ERBIN: variants seen among roughly 807,000 people sequenced by gnomAD.
The protein encoded by ERBIN is erbb2 interacting protein, also known as densin-180-like protein.
Under a neutral mutation model 158.4 loss-of-function variants are expected in ERBIN, and 60 were observed. That is an observed-to-expected ratio of 0.38 (90% confidence interval 0.31 to 0.47). ERBIN has a LOEUF of 0.47. Among genes scored for constraint, ERBIN ranks in the 20% least tolerant of loss-of-function variants. The pLI, the probability that ERBIN is intolerant of heterozygous loss-of-function variation, is 0.99. For synonymous variants in ERBIN, 594 were observed against 557.2 expected, an observed-to-expected ratio of 1.07 and a Z score of -0.93; for missense variants, 1,610 against 1,648.0, an observed-to-expected ratio of 0.98 and a Z score of 0.40.
intron 21 of ERBIN, among the ~76,000 whole-genome samples, chr5:66,058,543 G>C (rs1759887108): frequency 2.0e-5 from 3 of 151,114 alleles, no homozygotes; most frequent in Admixed American, 2.0e-4. Flanking sequence ...AGTTTAATTA[G>C]ATCCCATTTG....
intron 19 of ERBIN, among the ~76,000 whole-genome samples, chr5:66,049,509 A>G (rs1451694788): frequency 1.3e-5 from 2 of 152,090 alleles, no homozygotes; most frequent in Non-Finnish European, 2.9e-5. Context: ...GTTATTATCT[A>G]ATTGTCACAA....
chr5:65,959,168 G>C (rs1747639091), intron 1 of ERBIN, among the ~76,000 whole-genome samples: 1 of 151,970 alleles, frequency 6.6e-6, no homozygotes, highest in African/African-American at 2.4e-5. Flanking sequence ...TATAATGCTA[G>C]CTAACACGTG....
intron 1 of ERBIN, among the ~76,000 whole-genome samples, chr5:65,975,303 C>A (rs1451543973): frequency 6.6e-6 from 1 of 152,012 alleles, no homozygotes; most frequent in African/African-American, 2.4e-5. Context: ...CCACCACATC[C>A]AGCCATATTT....
Position 66,053,907 on chromosome 5 carries a change from A to G in ERBIN, c.2589A>G (p.Pro863=). The G allele has an allele frequency of 6.2e-7, 1 of 1,614,168 alleles. No homozygotes were observed. Among genetic ancestry groups the G allele is most frequent in the African/African-American group, 1.3e-5 (1 of 75,058 alleles). ...ATCTCTCCCCTCAGAAAAGTGGTCC[A>G]GTTGGATCTGTTGTGAAATCTCATA... The part of the protein sequence containing the change: ...TEDLSPQKSG[P]VGSVVKSHSI... The change falls in exon 21 of 26, where the codon CCA becomes CCG. Residue 863 remains proline (P), a synonymous_variant. Transcript: ENST00000284037.
chr5:66,032,944 G>A (rs771324410), intron 14 of ERBIN, among the ~76,000 whole-genome samples: 22 of 152,174 alleles, frequency 1.4e-4, no homozygotes, highest in Admixed American at 1.3e-3. Flanking sequence ...AAAGAAATAT[G>A]TTTATGGGAA....
At chr5:66,008,833 G>C (rs147220527) in intron 4 of ERBIN, among the ~76,000 whole-genome samples, 1 of 152,120 alleles carries the variant, frequency 6.6e-6, no homozygotes, top group African/African-American at 2.4e-5. Context: ...TTCTTAAAAA[G>C]TATTAAGAAT....
intron 1 of ERBIN, among the ~76,000 whole-genome samples, chr5:65,958,181 G>A (rs1178532812): frequency 1.3e-5 from 2 of 151,982 alleles, no homozygotes; most frequent in South Asian, 2.1e-4. Context: ...GACGATGGGC[G>A]GCCAGGCAGA....
chr5:65,976,715 A>C (rs1749917422), intron 1 of ERBIN, among the ~76,000 whole-genome samples: 2 of 150,296 alleles, frequency 1.3e-5, no homozygotes, highest in South Asian at 4.2e-4. Context: ...AGTGGTGATG[A>C]CTCTTACGGA....
At chr5:65,973,183 CAT>C (rs1749456341) in intron 1 of ERBIN, among the ~76,000 whole-genome samples, 1 of 149,868 alleles carries the variant, frequency 6.7e-6, no homozygotes, top group East Asian at 1.9e-4. Context: ...CACCACATGT[CAT>C]AGGTGGGAAT....
chr5:65,994,393 CTCT>C (rs1172133208), intron 3 of ERBIN, among the ~76,000 whole-genome samples: 4 of 152,112 alleles, frequency 2.6e-5, no homozygotes, highest in African/African-American at 9.7e-5. Context: ...TAGAAGAATA[CTCT>C]TCTTAAATAG....
Position 66,054,245 on chromosome 5 carries a change from A to G in ERBIN, c.2927A>G (p.Gln976Arg), listed in dbSNP as rs1363625092. 6.2e-7 allele frequency: 1 copy of G among 1,614,154 alleles called. No individual in the cohort carries two copies. Among genetic ancestry groups the G allele is most frequent in the Non-Finnish European group, 8.5e-7 (1 of 1,179,978 alleles). ...GCACCTCAAATATATGGTCCTCCAC[A>G]GTATAATATCCAATACAGTAGCAGT... ...QSAPQIYGPP[Q>R]YNIQYSSSAA... Residue 976 changes from glutamine to arginine, a missense_variant, in exon 21 of 26, where the codon CAG becomes CGG. Physicochemically the swap from Gln to Arg is conservative, Grantham distance 43. Transcript: ENST00000284037.
chr5:65,974,376 G>T (rs574559513), intron 1 of ERBIN, among the ~76,000 whole-genome samples: 2 of 152,332 alleles, frequency 1.3e-5, no homozygotes, highest in South Asian at 2.1e-4. Context: ...AGCAAGCATA[G>T]GTTGGTAGTG....
At chr5:66,057,622 A>G (rs1355834959) in intron 21 of ERBIN, among the ~76,000 whole-genome samples, 2 of 151,926 alleles carry the variant, frequency 1.3e-5, no homozygotes, top group African/African-American at 4.8e-5. Context: ...TCATATGTAT[A>G]CATGTGCCAT....
intron 1 of ERBIN, among the ~76,000 whole-genome samples, chr5:65,970,401 C>T (rs1749116043): frequency 6.6e-6 from 1 of 152,184 alleles, no homozygotes. Flanking sequence ...CCCCTGCTGA[C>T]TACCCTAACG....
At chr5:66,069,205 T>C (rs1028490703) in intron 21 of ERBIN, among the ~76,000 whole-genome samples, 1 of 152,254 alleles carries the variant, frequency 6.6e-6, no homozygotes, top group Non-Finnish European at 1.5e-5. Context: ...ATCTCCTGAG[T>C]TTCTTTGGTC....
chr5:66,051,161 G>A (rs1021916410), intron 20 of ERBIN, among the ~76,000 whole-genome samples, 195 bp downstream of exon 20: 36 of 151,968 alleles, frequency 2.4e-4, no homozygotes, highest in African/African-American at 8.5e-4. Context: ...ATTTTTAAAT[G>A]GGGAAGAATA....
At chr5:65,996,456 C>T (rs561222269) in intron 4 of ERBIN, among the ~76,000 whole-genome samples, 6 of 152,046 alleles carry the variant, frequency 3.9e-5, no homozygotes, top group Non-Finnish European at 5.9e-5. Flanking sequence ...TGACAAAATA[C>T]GTGGATTTAT....
Position 65,992,845 on chromosome 5 carries a change from A to G in ERBIN, c.127A>G (p.Thr43Ala). ...AGAACAAGTTCCGAAAGAGATTTTT[A>G]CTTTTGAAAAAACCTTGGAGGAACT... The part of the protein sequence containing the change: ...SLEQVPKEIF[T>A]FEKTLEELYL... The change falls in exon 3 of 26, where the codon ACT (threonine) becomes GCT (alanine). Residue 43 changes from threonine (T) to alanine (A), a missense_variant. Thr to Ala is a moderately conservative substitution (Grantham distance 58). Coordinates refer to ENST00000284037, the MANE Select transcript of ERBIN (RefSeq NM_001253697.2). The G allele has an allele frequency of 1.2e-6, 2 of 1,613,488 alleles. No individual in the cohort carries two copies. The highest frequency in any genetic ancestry group is 1.7e-4 in the Middle Eastern group (1 of 6,058).
At position 66,018,540 on chromosome 5, in the gene ERBIN, T is replaced by TATATA. The variant is rs1755213036; in HGVS notation, c.534-2781_534-2777dup. 3.1e-4 allele frequency among the ~76,000 whole-genome samples: 2 copies of TATATA among 6,354 alleles called. 1 individual carries two copies. The highest frequency in any genetic ancestry group is 6.4e-4 in the Non-Finnish European group (2 of 3,138). 4.2% of individuals were successfully genotyped at this position (6,354 alleles called of 152,430 possible). On this transcript the variant is annotated intron_variant, in intron 7 of 25. Coordinates refer to ENST00000284037, the MANE Select transcript of ERBIN (RefSeq NM_001253697.2). ...ATATAATATATATTATATTATATAA[T>TATATA]ATATATTATATATTATATAATATAT...
Sources: allele counts gnomAD v4.1 joint callset (sites outside exome capture counted in the v4.1 genomes callset), GRCh38; gene constraint gnomAD v4.1.1; transcripts MANE v1.5; gene names NCBI Gene and HGNC (gene_info 2026-07-23, HGNC 2026-07-21).